Variants in ZCCHC14 observed in about 807,000 individuals in gnomAD.
ZCCHC14 encodes zinc finger CCHC-type containing 14, also known as zinc finger CCHC domain-containing protein 14.
Under a neutral mutation model 85.0 loss-of-function variants are expected in ZCCHC14, and 16 were observed. The observed-to-expected ratio is 0.19, with a 90% CI of 0.13 to 0.29. The LOEUF (loss-of-function observed/expected upper bound fraction) is 0.29. ZCCHC14 is among the 10% of genes least tolerant of loss of function. ZCCHC14 has a pLI of 1.00. For synonymous variants in ZCCHC14, 775 were observed against 630.7 expected (o/e 1.23, Z -3.43); for missense variants, 1,303 against 1,443.5 (o/e 0.90, Z 1.58).
chr16:87,467,648 TCGAA>T (rs1337111468), intron 1 of ZCCHC14: 4 of 948,290 alleles, frequency 4.2e-6, no homozygotes, highest in East Asian at 2.4e-5. Flanking sequence ...ATTTCCCTGG[TCGAA>T]CGGTTTCTTT....
chr16:87,447,475 C>G (rs975305804), intron 2 of ZCCHC14, among the ~76,000 whole-genome samples: 1 of 152,152 alleles, frequency 6.6e-6, no homozygotes, highest in African/African-American at 2.4e-5. Flanking sequence ...TAAACAGGAC[C>G]ATACACGGGC....
chr16:87,434,947 C>T (rs1301981054), intron 2 of ZCCHC14, among the ~76,000 whole-genome samples: 2 of 133,020 alleles, frequency 1.5e-5, no homozygotes, highest in Non-Finnish European at 1.5e-5. Flanking sequence ...GCCGATATCG[C>T]GCCATTGCAC....
At chr16:87,483,076 A>T (rs1280702629) in intron 1 of ZCCHC14, among the ~76,000 whole-genome samples, 1 of 152,122 alleles carries the variant, frequency 6.6e-6, no homozygotes, top group Non-Finnish European at 1.5e-5. Flanking sequence ...CTGCATGGCA[A>T]AGTCAGAAGA....
intron 1 of ZCCHC14, among the ~76,000 whole-genome samples, chr16:87,479,068 T>C (rs1370669681): frequency 2.6e-5 from 4 of 152,290 alleles, no homozygotes; most frequent in Non-Finnish European, 5.9e-5. Context: ...GTCTAGACTA[T>C]AATCCTTCTA....
Position 87,417,679 on chromosome 16 carries a change from G to A in ZCCHC14, c.1164C>T (p.His388=). ...SQSGAQHHGQ[H]PAGSAAPLPH... ...GCAAGGGGGCGGCGGAGCCGGCCGGGTGCTGCCCGTGGTGCTGGGCTCCGC... is the reference window on the plus strand; with the variant it reads ...GCAAGGGGGCGGCGGAGCCGGCCGGATGCTGCCCGTGGTGCTGGGCTCCGC... Residue 388 remains histidine, a synonymous_variant, in exon 8 of 13, where the codon CAC becomes CAT. Transcript: ENST00000671377. 1 of 1,610,798 alleles carries A rather than the reference G, an allele frequency of 6.2e-7. No individual in the cohort carries two copies. The highest frequency in any genetic ancestry group is 8.5e-7 in the Non-Finnish European group (1 of 1,178,908).
At position 87,449,064 on chromosome 16, in the gene ZCCHC14, GAGCCACCCC is replaced by G. The variant is rs1910571777; in HGVS notation, c.694+10935_694+10943del. Among the ~76,000 whole-genome samples, 5 of 152,198 alleles carry G rather than the reference GAGCCACCCC, an allele frequency of 3.3e-5. No individual in the cohort carries two copies. The South Asian group carries it at 1.0e-3, about 32-fold the overall frequency. On this transcript the variant is annotated intron_variant, in intron 2 of 12. Transcript: ENST00000671377. ...AGGAGGATGAGGGACGCCTGAGTCA[GAGCCACCCC>G]AGCCACTACGGCCTGAACAGTCACG...
chr16:87,490,118 C>G (rs867780101), intron 1 of ZCCHC14, among the ~76,000 whole-genome samples: 1 of 152,134 alleles, frequency 6.6e-6, no homozygotes, highest in Non-Finnish European at 1.5e-5. Flanking sequence ...AAACTATAGT[C>G]TTGGAGGTAA....
intron 2 of ZCCHC14, among the ~76,000 whole-genome samples, chr16:87,443,232 G>C (rs147828624): frequency 0.02 from 3,005 of 152,262 alleles, 61 homozygotes; most frequent in African/African-American, 0.044. Context: ...ATGGTGGTCG[G>C]GTTTCCACCT....
At chr16:87,474,995 C>T (rs1477766166) in intron 1 of ZCCHC14, among the ~76,000 whole-genome samples, 1 of 152,168 alleles carries the variant, frequency 6.6e-6, no homozygotes, top group Non-Finnish European at 1.5e-5. Context: ...GAGGATAGAA[C>T]GAAGTCCAGA....
chr16:87,481,162 C>T (rs1293668636), intron 1 of ZCCHC14, among the ~76,000 whole-genome samples: 1 of 152,026 alleles, frequency 6.6e-6, no homozygotes, highest in Non-Finnish European at 1.5e-5. Context: ...CAGACCCAGG[C>T]CAGGAGACTG....
intron 8 of ZCCHC14, among the ~76,000 whole-genome samples, chr16:87,417,073 T>C (rs1567510721): frequency 6.6e-6 from 1 of 152,172 alleles, no homozygotes; most frequent in Non-Finnish European, 1.5e-5. Context: ...AGATGTAAAA[T>C]GCACCCATTC....
Position 87,411,965 on chromosome 16 carries a change from G to T in ZCCHC14, c.2756C>A (p.Pro919Gln). The change falls in exon 12 of 13, where the codon CCG becomes CAG. Residue 919 changes from proline to glutamine, a missense_variant. Transcript: ENST00000671377. ...PPAPPQPAPP[P>Q]PGCIVCTSCG... is the part of the protein sequence containing the mutation. The stretch of plus-strand genomic sequence containing the variant: ...GGACGTGCACACAATGCAGCCTGGC[G>T]GGGGTGGGGCGGGCTGCGGGGGTGC... 1 of 1,603,306 alleles carries T rather than the reference G, an allele frequency of 6.2e-7. No individual in the cohort carries two copies. Among genetic ancestry groups the T allele is most frequent in the Non-Finnish European group, 8.5e-7 (1 of 1,175,980 alleles).
At position 87,415,160 on chromosome 16, in the gene ZCCHC14, G is replaced by A. The variant is rs1009305843; in HGVS notation, c.1475+116C>T. On this transcript the variant is annotated intron_variant, in intron 9 of 12. Transcript: ENST00000671377. ...TAAATAAAAGCATGGCTAAGGACTGGATAAGCAACAGGAACTAATCCAATC... is the reference window on the plus strand; with the variant it reads ...TAAATAAAAGCATGGCTAAGGACTGAATAAGCAACAGGAACTAATCCAATC... 7 of 778,350 alleles carry A rather than the reference G, an allele frequency of 9.0e-6. No homozygotes were observed. In the East Asian group the frequency reaches 1.8e-4, roughly 20 times the overall value. 48.2% of individuals were successfully genotyped at this position (778,350 alleles called of 1,614,324 possible). A position where few individuals can be genotyped will look rare whatever the true frequency, so the allele number is the denominator to read the frequency against.
chr16:87,419,106 G>A (rs1476192493), intron 6 of ZCCHC14, among the ~76,000 whole-genome samples: 3 of 148,842 alleles, frequency 2.0e-5, no homozygotes. Context: ...ACAGGCGACT[G>A]CCACCACGCC....
At chr16:87,470,010 CAGG>C (rs1235399426) in intron 1 of ZCCHC14, among the ~76,000 whole-genome samples, 2 of 152,140 alleles carry the variant, frequency 1.3e-5, no homozygotes, top group Non-Finnish European at 2.9e-5. Context: ...GGGGCTGAGG[CAGG>C]AGGATCGCTT....
At chr16:87,430,266 C>T (rs976076313) in intron 3 of ZCCHC14, among the ~76,000 whole-genome samples, 1 of 152,130 alleles carries the variant, frequency 6.6e-6, no homozygotes, top group African/African-American at 2.4e-5. Context: ...TGCATACGGA[C>T]GTCTGTTCCA....
chr16:87,481,121 G>A (rs1409800514), intron 1 of ZCCHC14, among the ~76,000 whole-genome samples: 2 of 152,160 alleles, frequency 1.3e-5, no homozygotes, highest in East Asian at 1.9e-4. Flanking sequence ...GGCAGACCCA[G>A]GCCAGGGAGA....
At chr16:87,485,448 T>C (rs1912471673) in intron 1 of ZCCHC14, among the ~76,000 whole-genome samples, 1 of 152,212 alleles carries the variant, frequency 6.6e-6, no homozygotes, top group Non-Finnish European at 1.5e-5. Context: ...ATTACCTTGC[T>C]AAAACTAATT....
chr16:87,419,528 C>T (rs537108934), intron 6 of ZCCHC14, among the ~76,000 whole-genome samples: 2 of 151,302 alleles, frequency 1.3e-5, no homozygotes, highest in Admixed American at 1.3e-4. Flanking sequence ...GTCTTGAACT[C>T]CTGACCTCGT....
Sources: allele counts gnomAD v4.1 joint callset (sites outside exome capture counted in the v4.1 genomes callset), GRCh38; gene constraint gnomAD v4.1.1; transcripts MANE v1.5; gene names NCBI Gene and HGNC (gene_info 2026-07-23, HGNC 2026-07-21).